The following WIF1 variants were observed in gnomAD, a reference collection of about 807,000 sequenced individuals.
The protein encoded by WIF1 is Wnt inhibitory factor 1.
In WIF1, 35 loss-of-function variants were observed where a neutral mutation model predicts 53.5. The ratio of observed to expected loss-of-function variants is 0.65; its 90% CI spans 0.50 to 0.87. The LOEUF (loss-of-function observed/expected upper bound fraction) is 0.87, where lower values mean the gene tolerates loss of function less well. Among genes scored for constraint, WIF1 ranks in the 40% least tolerant of loss-of-function variants. The pLI is 0.00. For synonymous variants in WIF1, 171 were observed against 170.4 expected (o/e 1.00, Z -0.03); for missense variants, 467 against 476.8 (o/e 0.98, Z 0.19).
At chr12:65,057,799 C>G (rs1302532803) in intron 7 of WIF1, among the ~76,000 whole-genome samples, 1 of 152,156 alleles carries the variant, frequency 6.6e-6, no homozygotes, top group Admixed American at 6.5e-5. Context: ...ATTTTACTGA[C>G]AAGTACTATT....
At chr12:65,095,329 T>C (rs1883187978) in intron 2 of WIF1, among the ~76,000 whole-genome samples, 1 of 152,168 alleles carries the variant, frequency 6.6e-6, no homozygotes, top group South Asian at 2.1e-4. Context: ...TAGTTCAAAA[T>C]AGCACTCTCA....
intron 2 of WIF1, among the ~76,000 whole-genome samples, chr12:65,102,476 G>T (rs1305139049): frequency 6.6e-6 from 1 of 152,056 alleles, no homozygotes; most frequent in Non-Finnish European, 1.5e-5. Context: ...ACTGATTGTT[G>T]GAGACCCACC....
intron 9 of WIF1, among the ~76,000 whole-genome samples, chr12:65,052,880 C>T (rs548563066): frequency 6.6e-6 from 1 of 152,312 alleles, no homozygotes; most frequent in South Asian, 2.1e-4. Flanking sequence ...CTGGGTGCAT[C>T]AGAAGTAACA....
intron 3 of WIF1, among the ~76,000 whole-genome samples, chr12:65,071,534 C>T (rs1882774051): frequency 6.6e-6 from 1 of 152,148 alleles, no homozygotes; most frequent in Middle Eastern, 3.2e-3. Flanking sequence ...TATTCAATTA[C>T]TGTTATAACT....
chr12:65,067,632 G>T (rs1392941219), intron 5 of WIF1, 63 bp downstream of exon 5: 15 of 1,477,246 alleles, frequency 1.0e-5, no homozygotes, highest in South Asian at 4.6e-5. Context: ...ATACACATGG[G>T]GCTCCTGCAC....
At chr12:65,073,830 A>G (rs1226966058) in intron 3 of WIF1, among the ~76,000 whole-genome samples, 1 of 152,184 alleles carries the variant, frequency 6.6e-6, no homozygotes, top group Non-Finnish European at 1.5e-5. Flanking sequence ...TTGCACCTGC[A>G]TTTCTACAAA....
chr12:65,055,959 G>A (rs1882518738), intron 8 of WIF1, 72 bp downstream of exon 8: 10 of 1,373,284 alleles, frequency 7.3e-6, no homozygotes, highest in Middle Eastern at 1.8e-4. Context: ...AAGCACGGAA[G>A]TATGTAGTGA....
intron 2 of WIF1, among the ~76,000 whole-genome samples, chr12:65,089,765 A>T (rs1261581952): frequency 2.0e-5 from 3 of 152,118 alleles, no homozygotes; most frequent in Admixed American, 2.0e-4. Flanking sequence ...TCATCTCTTC[A>T]GTTAAACTGC....
intron 6 of WIF1, among the ~76,000 whole-genome samples, chr12:65,065,178 T>C (rs560864069): frequency 2.2e-3 from 338 of 152,268 alleles, no homozygotes; most frequent in African/African-American, 7.8e-3. Flanking sequence ...CTTTCACATA[T>C]TATCTCAATA....
chr12:65,114,944 G>A (rs150011488), intron 2 of WIF1, among the ~76,000 whole-genome samples: 33 of 152,190 alleles, frequency 2.2e-4, no homozygotes, highest in African/African-American at 7.5e-4. Flanking sequence ...ATGATAAAAA[G>A]CACACTTTAG....
intron 7 of WIF1, among the ~76,000 whole-genome samples, chr12:65,057,767 C>T (rs948799621): frequency 6.6e-6 from 1 of 152,104 alleles, no homozygotes; most frequent in Non-Finnish European, 1.5e-5. Context: ...AAGAAAGCTG[C>T]GAAAGAAGTC....
At chr12:65,121,001 G>A in intron 1 of WIF1, 43 bp downstream of exon 1, 1 of 1,409,092 alleles carries the variant, frequency 7.1e-7, no homozygotes, top group South Asian at 1.6e-5. Flanking sequence ...AGTGGAGAGA[G>A]GAGGACATAG....
chr12:65,073,120 G>T (rs944375448), intron 3 of WIF1, among the ~76,000 whole-genome samples: 1 of 152,184 alleles, frequency 6.6e-6, no homozygotes, highest in African/African-American at 2.4e-5. Context: ...AACAAGGCAA[G>T]AGATGAGAAA....
intron 9 of WIF1, chr12:65,054,090 T>TC (rs1485273559): frequency 1.3e-5 from 2 of 149,296 alleles, no homozygotes; most frequent in African/African-American, 2.5e-5. Context: ...TTTTTTTTTT[T>TC]TTTTGAGACA....
chr12:65,107,262 G>T (rs1592403644), intron 2 of WIF1, among the ~76,000 whole-genome samples: 1 of 152,196 alleles, frequency 6.6e-6, no homozygotes, highest in Non-Finnish European at 1.5e-5. Context: ...GCTTCAATGT[G>T]CTTCAAACAT....
intron 2 of WIF1, among the ~76,000 whole-genome samples, chr12:65,080,823 C>A (rs1001617326): frequency 6.6e-6 from 1 of 152,048 alleles, no homozygotes; most frequent in Non-Finnish European, 1.5e-5. Context: ...ATTAAAAGGT[C>A]AAATACCATA....
intron 2 of WIF1, among the ~76,000 whole-genome samples, chr12:65,097,291 AT>A (rs1254186100): frequency 6.6e-6 from 1 of 152,204 alleles, no homozygotes; most frequent in African/African-American, 2.4e-5. Flanking sequence ...GCCGTGCCAT[AT>A]TAAATTGATG....
At chr12:65,094,901 C>CTTATTTATTTAT (rs71096024) in intron 2 of WIF1, among the ~76,000 whole-genome samples, 44 of 134,290 alleles carry the variant, frequency 3.3e-4, no homozygotes, top group Non-Finnish European at 4.4e-4. Flanking sequence ...TCCTCTTCTT[C>CTTATTTATTTAT]TTATTTATTT....
At chr12:65,108,528 T>G (rs976074862) in intron 2 of WIF1, among the ~76,000 whole-genome samples, 1 of 152,224 alleles carries the variant, frequency 6.6e-6, no homozygotes. Context: ...TATTGATTTC[T>G]TAGTTACAAC....
Sources: allele counts gnomAD v4.1 joint callset (sites outside exome capture counted in the v4.1 genomes callset), GRCh38; gene constraint gnomAD v4.1.1; transcripts MANE v1.5; gene names NCBI Gene and HGNC (gene_info 2026-07-23, HGNC 2026-07-21).